SLC35F1: variants seen among roughly 807,000 people sequenced by gnomAD.
SLC35F1 encodes solute carrier family 35 member F1.
Under a neutral mutation model 48.7 loss-of-function variants are expected in SLC35F1, and 14 were observed. The ratio of observed to expected loss-of-function variants is 0.29; its 90% CI spans 0.19 to 0.45. The LOEUF is 0.45. SLC35F1 is among the 20% of genes least tolerant of loss of function. The pLI is 1.00. For synonymous variants in SLC35F1, 190 were observed against 202.2 expected (o/e 0.94, Z 0.51); for missense variants, 404 against 500.0 (o/e 0.81, Z 1.83).
chr6:117,968,990 A>G (rs1582591637), intron 1 of SLC35F1, among the ~76,000 whole-genome samples: 2 of 152,126 alleles, frequency 1.3e-5, no homozygotes, highest in Admixed American at 6.5e-5. Flanking sequence ...TTATGTGATG[A>G]TTCTTTTATA....
intron 1 of SLC35F1, among the ~76,000 whole-genome samples, chr6:117,960,760 C>A (rs1323306564): frequency 6.6e-6 from 1 of 152,052 alleles, no homozygotes; most frequent in African/African-American, 2.4e-5. Context: ...ATGGGAGAGA[C>A]AAAAGTCAGG....
intron 1 of SLC35F1, among the ~76,000 whole-genome samples, chr6:118,007,933 A>G (rs1777195532): frequency 1.3e-5 from 2 of 152,158 alleles, no homozygotes; most frequent in Non-Finnish European, 2.9e-5. Flanking sequence ...CCTTGCAGCC[A>G]TACGACTCAC....
At chr6:118,170,820 A>G (rs1319157965) in intron 2 of SLC35F1, among the ~76,000 whole-genome samples, 1 of 152,224 alleles carries the variant, frequency 6.6e-6, no homozygotes, top group African/African-American at 2.4e-5. Flanking sequence ...ATGTAAATAT[A>G]AACATTTCAA....
chr6:118,139,683 G>A (rs941541866), intron 1 of SLC35F1, among the ~76,000 whole-genome samples: 6 of 152,088 alleles, frequency 3.9e-5, no homozygotes, highest in Admixed American at 3.9e-4. Context: ...AACATGGTGG[G>A]GATAGCAAGT....
intron 1 of SLC35F1, among the ~76,000 whole-genome samples, chr6:118,086,917 T>C (rs1772999014): frequency 6.6e-6 from 1 of 152,216 alleles, no homozygotes; most frequent in Non-Finnish European, 1.5e-5. Context: ...AAGTGTATCA[T>C]GCCTGCCTTT....
At position 118,218,562 on chromosome 6, in the gene SLC35F1, T is replaced by G. The variant is rs555239170; in HGVS notation, c.350-16947T>G. Among the ~76,000 whole-genome samples, 16 of 152,328 alleles carry G rather than the reference T, an allele frequency of 1.1e-4. No individual in the cohort carries two copies. The East Asian group carries it at 3.1e-3, about 29-fold the overall frequency. On this transcript the variant is annotated intron_variant, in intron 2 of 7. Transcript: ENST00000360388. ...TACATTAGGAATCCTAATTTTAGCT[T>G]ACGCCTGTTTCTTACCTCCTATCTT...
chr6:118,059,365 T>C (rs943653189), intron 1 of SLC35F1, among the ~76,000 whole-genome samples: 1 of 152,198 alleles, frequency 6.6e-6, no homozygotes, highest in Admixed American at 6.6e-5. Context: ...TGTCACTCTG[T>C]AAATTGTCAT....
chr6:118,163,369 C>T (rs540560372), intron 2 of SLC35F1, among the ~76,000 whole-genome samples: 1 of 151,934 alleles, frequency 6.6e-6, no homozygotes, highest in Admixed American at 6.6e-5. Context: ...GAATATGTAA[C>T]ACCATCTACT....
At chr6:118,294,085 C>T (rs988632546) in intron 7 of SLC35F1, among the ~76,000 whole-genome samples, 1 of 152,226 alleles carries the variant, frequency 6.6e-6, no homozygotes, top group Non-Finnish European at 1.5e-5. Context: ...AGCAGTGATA[C>T]AGTTCTCTGC....
intron 6 of SLC35F1, among the ~76,000 whole-genome samples, chr6:118,282,690 T>G (rs1466128453): frequency 1.3e-5 from 2 of 152,182 alleles, no homozygotes; most frequent in African/African-American, 4.8e-5. Context: ...TCCCTCCATC[T>G]CAGTATATGG....
intron 2 of SLC35F1, among the ~76,000 whole-genome samples, chr6:118,178,169 C>T (rs1381725894): frequency 6.6e-6 from 1 of 152,110 alleles, no homozygotes; most frequent in Non-Finnish European, 1.5e-5. Flanking sequence ...TAGATATCCA[C>T]ACCTCCTGGG....
chr6:118,078,327 G>A (rs1477553349), intron 1 of SLC35F1, among the ~76,000 whole-genome samples: 2 of 152,198 alleles, frequency 1.3e-5, no homozygotes, highest in South Asian at 2.1e-4. Context: ...GGAATTTGGG[G>A]GCAGCAATTT....
intron 2 of SLC35F1, among the ~76,000 whole-genome samples, chr6:118,233,700 A>G (rs1775326370): frequency 1.3e-5 from 2 of 152,190 alleles, no homozygotes; most frequent in African/African-American, 2.4e-5. Context: ...TCACAATCCT[A>G]TGAAAGGATT....
At chr6:118,219,365 A>G (rs1775116210) in intron 2 of SLC35F1, among the ~76,000 whole-genome samples, 1 of 152,186 alleles carries the variant, frequency 6.6e-6, no homozygotes, top group Non-Finnish European at 1.5e-5. Context: ...TTCTTAAGTT[A>G]CTACTACCCA....
chr6:118,039,319 A>G (rs558003324), intron 1 of SLC35F1, among the ~76,000 whole-genome samples: 1 of 152,102 alleles, frequency 6.6e-6, no homozygotes, highest in Non-Finnish European at 1.5e-5. Flanking sequence ...CTTATGATGT[A>G]TTTAAGAATG....
intron 1 of SLC35F1, among the ~76,000 whole-genome samples, chr6:117,943,110 T>C (rs913023742): frequency 2.6e-5 from 4 of 152,182 alleles, no homozygotes; most frequent in Admixed American, 6.5e-5. Context: ...GATTGGGTCT[T>C]GCCGATCCTG....
intron 1 of SLC35F1, among the ~76,000 whole-genome samples, chr6:118,049,226 A>G (rs1031674564): frequency 5.3e-5 from 8 of 152,188 alleles, no homozygotes; most frequent in African/African-American, 1.9e-4. Flanking sequence ...AGATGGATTA[A>G]AGACTTAAAT....
chr6:118,027,652 G>T (rs973515091), intron 1 of SLC35F1, among the ~76,000 whole-genome samples: 1 of 151,934 alleles, frequency 6.6e-6, no homozygotes, highest in Non-Finnish European at 1.5e-5. Flanking sequence ...AGTTTGGATG[G>T]TTTATCTTCT....
At chr6:118,061,131 A>G (rs988974599) in intron 1 of SLC35F1, among the ~76,000 whole-genome samples, 1 of 152,234 alleles carries the variant, frequency 6.6e-6, no homozygotes, top group African/African-American at 2.4e-5. Flanking sequence ...AGTAGTTTCA[A>G]CTGCCTTCCT....
Sources: gnomAD v4.1 joint callset for allele counts (sites outside exome capture counted in the v4.1 genomes callset) on GRCh38, gnomAD v4.1.1 for gene constraint, MANE v1.5 for transcripts, NCBI Gene and HGNC (gene_info 2026-07-23, HGNC 2026-07-21) for gene names.